Variants in USF3 observed in about 807,000 individuals in gnomAD.
USF3 encodes basic helix-loop-helix domain-containing protein USF3.
Under a neutral mutation model 157.5 loss-of-function variants are expected in USF3, and 29 were observed. The observed-to-expected ratio is 0.18, with a 90% CI of 0.14 to 0.25. The LOEUF (loss-of-function observed/expected upper bound fraction) is 0.25, where lower values mean the gene tolerates loss of function less well. Ranked by LOEUF, USF3 falls within the 10% of genes least tolerant of loss-of-function variation. The pLI is 1.00. For missense variants in USF3, 2,381 were observed against 2,667.6 expected, an observed-to-expected ratio of 0.89 and a Z score of 2.37; for synonymous variants, 893 against 941.4, an observed-to-expected ratio of 0.95 and a Z score of 0.94.
rs200190750 is a variant in USF3 at position 113,655,711 on chromosome 3, G to A, written c.5971C>T (p.Arg1991Cys). 2.7e-5 allele frequency: 44 copies of A among 1,613,596 alleles called. No individual in the cohort carries two copies. Among genetic ancestry groups the A allele is most frequent in the South Asian group, 6.6e-5 (6 of 90,994 alleles). The change falls in exon 7 of 7, where the codon CGT becomes TGT. Residue 1991 changes from arginine (R) to cysteine (C), a missense_variant. Arg to Cys is a radical substitution (Grantham distance 180). Around this residue, in one of 6 missense-constraint regions of USF3, gnomAD observed 770 missense variants for 824.2 expected, o/e 0.93. Transcript: ENST00000316407. ...PLQDSSGSKI[R>C]QPERNRSGNQ... is the part of the protein sequence containing the mutation. The stretch of plus-strand genomic sequence containing the variant: ...CCAGAACGATTCCTTTCAGGCTGAC[G>A]AATTTTGGAACCACTGCTGTCTTGC...
In USF3 at chr3:113,658,441, C is replaced by T. The variant is rs747352915; in HGVS notation, c.3241G>A (p.Gly1081Ser). ...QEVINGSLIN[G>S]RQADSPMSTS... Reference sequence around the variant, plus strand: ...GACATGGGAGAGTCGGCCTGTCTACCGTTGATCAAAGAACCATTAATAACC... The same window carrying T: ...GACATGGGAGAGTCGGCCTGTCTACTGTTGATCAAAGAACCATTAATAACC... The change falls in exon 7 of 7, where the codon GGT (glycine) becomes AGT (serine). Residue 1081 changes from glycine (G) to serine (S), a missense_variant. By Grantham distance (56) the Gly-to-Ser change is moderately conservative. Coordinates refer to ENST00000316407, the MANE Select transcript of USF3 (RefSeq NM_001009899.4). 4.3e-6 allele frequency: 7 copies of T among 1,614,058 alleles called. No individual in the cohort carries two copies. Among genetic ancestry groups the T allele is most frequent in the Admixed American group, 3.3e-5 (2 of 60,006 alleles).
At position 113,655,895 on chromosome 3, in the gene USF3, A is replaced by G; in HGVS notation, c.5787T>C (p.His1929=). The part of the protein sequence containing the change: ...KSNPMRITES[H]ATKGHMNPPV... ...GAGGGTTCATGTGGCCCTTGGTGGC[A>G]TGACTCTCAGTAATCCTCATGGGAT... Residue 1929 remains histidine (H), a synonymous_variant, in exon 7 of 7, where the codon CAT becomes CAC. Coordinates refer to ENST00000316407, the MANE Select transcript of USF3 (RefSeq NM_001009899.4). 6.2e-7 allele frequency: 1 copy of G among 1,614,190 alleles called. No individual in the cohort carries two copies. Among genetic ancestry groups the G allele is most frequent in the Non-Finnish European group, 8.5e-7 (1 of 1,180,036 alleles).
At chr3:113,662,381 T>A (rs957852459) in intron 6 of USF3, among the ~76,000 whole-genome samples, 1 of 152,184 alleles carries the variant, frequency 6.6e-6, no homozygotes, top group Non-Finnish European at 1.5e-5. Flanking sequence ...GTACCACTAA[T>A]GGGGCAGGCT....
At chr3:113,677,054 G>A (rs1464834830) in intron 2 of USF3, among the ~76,000 whole-genome samples, 1 of 152,170 alleles carries the variant, frequency 6.6e-6, no homozygotes, top group Non-Finnish European at 1.5e-5. Context: ...GAAATAAGTA[G>A]ACATGAATGC....
At chr3:113,687,265 ACC>A (rs1491175842) in intron 1 of USF3, among the ~76,000 whole-genome samples, 4,270 of 139,902 alleles carry the variant, frequency 0.031, 175 homozygotes, top group African/African-American at 0.1. Flanking sequence ...ACACACACAC[ACC>A]CCCTTTCTAG....
At chr3:113,681,738 G>A (rs1365418753) in intron 1 of USF3, among the ~76,000 whole-genome samples, 2 of 142,314 alleles carry the variant, frequency 1.4e-5, no homozygotes, top group Non-Finnish European at 3.0e-5. Context: ...TTTTTTTTTT[G>A]AGATGGAGTC....
At chr3:113,674,340 A>G (rs1033945360) in intron 3 of USF3, among the ~76,000 whole-genome samples, 16 of 152,118 alleles carry the variant, frequency 1.1e-4, no homozygotes, top group African/African-American at 3.4e-4. Flanking sequence ...AAGAACAGAT[A>G]ATTTTTTTTC....
At position 113,660,720 on chromosome 3, in the gene USF3, C is replaced by G; in HGVS notation, c.962G>C (p.Cys321Ser). ...ACCTCTGAAGTCCTGTATGCTCAGG[C>G]AGGACTTGTTTCCATGGTGCACTTT... ...ATKVHHGNKSCLSIQDFRGDF... is the reference protein window; with the variant it reads ...ATKVHHGNKSSLSIQDFRGDF... Residue 321 changes from cysteine to serine, a missense_variant, in exon 7 of 7, where the codon TGC becomes TCC. Around this residue, in one of 6 missense-constraint regions of USF3, gnomAD observed 1,435 missense variants for 1,550.9 expected, o/e 0.93. Coordinates refer to ENST00000316407, the MANE Select transcript of USF3 (RefSeq NM_001009899.4). 1.2e-6 allele frequency: 2 copies of G among 1,614,196 alleles called. No homozygotes were observed. Among genetic ancestry groups the G allele is most frequent in the Non-Finnish European group, 1.7e-6 (2 of 1,180,036 alleles).
intron 5 of USF3, among the ~76,000 whole-genome samples, chr3:113,669,458 T>A (rs1316049791): frequency 1.3e-5 from 2 of 152,188 alleles, no homozygotes; most frequent in Admixed American, 6.5e-5. Flanking sequence ...ACTTTTTGCA[T>A]ATATTCATTT....
Position 113,659,066 on chromosome 3 carries a change from A to T in USF3, c.2616T>A (p.Ser872=), listed in dbSNP as rs769455936. ...ATACAGACTCAGGTATTAATGATTC[A>T]GAGCTTAGAACACCCAAAGAATGTG... ...SASHSLGVLS[S]ESLIPESVSK... The change falls in exon 7 of 7, where the codon TCT becomes TCA. Residue 872 remains serine, a synonymous_variant. Transcript: ENST00000316407. The T allele has an allele frequency of 1.3e-5, 21 of 1,614,180 alleles. No individual in the cohort carries two copies. The highest frequency in any genetic ancestry group is 1.8e-5 in the Non-Finnish European group (21 of 1,180,020).
intron 1 of USF3, among the ~76,000 whole-genome samples, chr3:113,680,224 G>A (rs1707381067): frequency 6.6e-6 from 1 of 151,800 alleles, no homozygotes; most frequent in Non-Finnish European, 1.5e-5. Flanking sequence ...AAGCTATTGG[G>A]TCCTGGGCTT....
Position 113,655,042 on chromosome 3 carries a change from C to G in USF3, c.6640G>C (p.Ala2214Pro). 1 of 1,614,180 alleles carries G rather than the reference C, an allele frequency of 6.2e-7. No individual in the cohort carries two copies. The highest frequency in any genetic ancestry group is 8.5e-7 in the Non-Finnish European group (1 of 1,180,036). The change falls in exon 7 of 7, where the codon GCA (alanine) becomes CCA (proline). Residue 2214 changes from alanine to proline, a missense_variant. Physicochemically the swap from Ala to Pro is conservative, Grantham distance 27 (BLOSUM62 -1). Transcript: ENST00000316407. ...GSAMSPLLTI[A>P]NSSASDSSKQ... ...GAAGAGTCAGAGGCAGAGGAATTTG[C>G]TATTGTAAGCAAAGGTGACATTGCT...
In USF3 at chr3:113,655,771, T is replaced by C. The variant is rs1947345115; in HGVS notation, c.5911A>G (p.Asn1971Asp). ...CTTGATCTCTGGGGAACTGAAGAATTAGCTTGACGTACAGCAGGGCCTTGA... is the reference window on the plus strand; with the variant it reads ...CTTGATCTCTGGGGAACTGAAGAATCAGCTTGACGTACAGCAGGGCCTTGA... ...GDQGPAVRQANSSVPQRSRHP... is the reference protein window; with the variant it reads ...GDQGPAVRQADSSVPQRSRHP... The change falls in exon 7 of 7, where the codon AAT (asparagine) becomes GAT (aspartate). Residue 1971 changes from asparagine (N) to aspartate (D), a missense_variant. Asn to Asp is a conservative substitution (Grantham distance 23). Coordinates refer to ENST00000316407, the MANE Select transcript of USF3 (RefSeq NM_001009899.4). 6.2e-7 allele frequency: 1 copy of C among 1,614,078 alleles called. No individual in the cohort carries two copies. Among genetic ancestry groups the C allele is most frequent in the South Asian group, 1.1e-5 (1 of 91,060 alleles).
chr3:113,681,228 C>A (rs147914212), intron 1 of USF3, among the ~76,000 whole-genome samples: 69 of 151,226 alleles, frequency 4.6e-4, no homozygotes, highest in African/African-American at 1.6e-3. Context: ...ATCTGCCCGC[C>A]TCAACCTCCC....
chr3:113,691,878 T>C (rs1342974512), intron 1 of USF3, among the ~76,000 whole-genome samples: 2 of 152,196 alleles, frequency 1.3e-5, no homozygotes, highest in Non-Finnish European at 2.9e-5. Context: ...AAGGAATTCC[T>C]GAGAACTCTT....
intron 5 of USF3, among the ~76,000 whole-genome samples, chr3:113,668,113 T>C (rs907326751): frequency 1.5e-4 from 23 of 152,002 alleles, no homozygotes; most frequent in Non-Finnish European, 2.9e-4. Context: ...AATAAAGCAG[T>C]AATAAGAACC....
chr3:113,682,574 C>T (rs1167095436), intron 1 of USF3, among the ~76,000 whole-genome samples: 1 of 152,106 alleles, frequency 6.6e-6, no homozygotes, highest in Non-Finnish European at 1.5e-5. Flanking sequence ...AAGTCTCCAA[C>T]TATTATTGTA....
chr3:113,695,276 C>A (rs1266800809), intron 1 of USF3, among the ~76,000 whole-genome samples: 1 of 152,174 alleles, frequency 6.6e-6, no homozygotes, highest in Non-Finnish European at 1.5e-5. Flanking sequence ...AGAAACAACA[C>A]ATGTATCCCA....
Position 113,657,953 on chromosome 3 carries a change from A to G in USF3, c.3729T>C (p.Asn1243=). 6.2e-7 allele frequency: 1 copy of G among 1,614,170 alleles called. No individual in the cohort carries two copies. The highest frequency in any genetic ancestry group is 8.5e-7 in the Non-Finnish European group (1 of 1,180,024). The change falls in exon 7 of 7, where the codon AAT becomes AAC. Residue 1243 remains asparagine (N), a synonymous_variant. Coordinates refer to ENST00000316407, the MANE Select transcript of USF3 (RefSeq NM_001009899.4). ...GGCTGATGCTGCTCTGATGGATAAG[A>G]TTATTCACACTTAAACTGGTGATGC... is the stretch of plus-strand genomic sequence containing the variant. ...PPSITSLSVN[N]LIHQSSISHP... is the part of the protein sequence containing the mutation.
Sources: allele counts gnomAD v4.1 joint callset (sites outside exome capture counted in the v4.1 genomes callset), GRCh38; gene constraint gnomAD v4.1.1; regional missense constraint gnomAD v4.1.1; transcripts MANE v1.5; gene names NCBI Gene and HGNC (gene_info 2026-07-23, HGNC 2026-07-21).